SLC5A2: variants seen among roughly 807,000 people sequenced by gnomAD.
SLC5A2 encodes the protein solute carrier family 5 member 2.
A neutral mutation model predicts 69.0 loss-of-function variants in SLC5A2; 67 were observed. The observed-to-expected ratio is 0.97, with a 90% confidence interval of 0.80 to 1.19. The LOEUF is 1.19. Among genes scored for constraint, SLC5A2 ranks in the 50% most tolerant of loss-of-function variants. The probability of loss-of-function intolerance (pLI) is 0.00; values close to 1 mark genes in which losing one functional copy is unlikely to be tolerated. For synonymous variants in SLC5A2, 455 were observed against 395.8 expected (o/e 1.15, Z -1.78); for missense variants, 1,001 against 921.5 (o/e 1.09, Z -1.12).
rs747772485 is a variant in SLC5A2 at position 31,484,750 on chromosome 16, A to G, written c.198+6A>G. ...GCAGCATGGTGTGGTGGCCGGTGAG[A>G]CGGGCTGGGCCGGGAACGGGAGGGG... On this transcript the variant is annotated splice_donor_region_variant and intron_variant, in intron 2 of 13. Transcript: ENST00000330498. 86 of 1,610,628 alleles carry G rather than the reference A, an allele frequency of 5.3e-5. No homozygotes were observed. In the South Asian group the frequency reaches 8.3e-4, roughly 16 times the overall value.
intron 3 of SLC5A2, 133 bp from the exon 4 acceptor site, chr16:31,485,596 C>T (rs1490127010): frequency 9.1e-7 from 1 of 1,094,634 alleles, no homozygotes; most frequent in Non-Finnish European, 1.3e-6. Context: ...GGGGCCATCA[C>T]CTGCAGTTGT....
At chr16:31,483,957 G>A (rs1256214819) in intron 1 of SLC5A2, among the ~76,000 whole-genome samples, 5 of 152,080 alleles carry the variant, frequency 3.3e-5, no homozygotes, top group African/African-American at 1.2e-4. Flanking sequence ...GCATGGTGGT[G>A]TGTGTGCCTG....
chr16:31,490,051 C>A (rs2082548129), intron 12 of SLC5A2, 53 bp from the exon 13 acceptor site: 1 of 1,610,286 alleles, frequency 6.2e-7, no homozygotes, highest in Admixed American at 1.7e-5. Flanking sequence ...GACTTTAGGG[C>A]CAGGCATGGG....
Position 31,489,291 on chromosome 16 carries a change from C to T in SLC5A2, c.1618C>T (p.Leu540Phe). ...AIVLFFCSGL[L>F]TLTVSLCTAP... is the part of the protein sequence containing the mutation. ...TGTGCTGTTCTTCTGCTCTGGCCTC[C>T]TCACCCTCACGGTCTCCCTGTGCAC... Residue 540 changes from leucine (L) to phenylalanine (F), a missense_variant, in exon 12 of 14, where the codon CTC (leucine) becomes TTC (phenylalanine). Coordinates refer to ENST00000330498, the MANE Select transcript of SLC5A2 (RefSeq NM_003041.4). 6.2e-7 allele frequency: 1 copy of T among 1,610,722 alleles called. No individual in the cohort carries two copies. The highest frequency in any genetic ancestry group is 8.5e-7 in the Non-Finnish European group (1 of 1,180,028).
Position 31,488,369 on chromosome 16 carries a change from C to T in SLC5A2, c.1022-14C>T, listed in dbSNP as rs759154877. ...AGGCCCCGTCCTAACGGCGCGGTGG[C>T]CTCTCTCTGGCAGACGAGGTGGCGT... On this transcript the variant is annotated splice_polypyrimidine_tract_variant and intron_variant, in intron 8 of 13. Transcript: ENST00000330498. 6.2e-7 allele frequency: 1 copy of T among 1,610,416 alleles called. No homozygotes were observed. Among genetic ancestry groups the T allele is most frequent in the Admixed American group, 1.7e-5 (1 of 59,874 alleles).
intron 4 of SLC5A2, 88 bp downstream of exon 4, chr16:31,485,981 G>C: frequency 6.8e-7 from 1 of 1,464,714 alleles, no homozygotes; most frequent in South Asian, 1.1e-5. Context: ...GTGAGACCTA[G>C]GAGAAACCAC....
Position 31,489,173 on chromosome 16 carries a change from G to C in SLC5A2, c.1500G>C (p.Leu500=). Residue 500 remains leucine (L), a synonymous_variant, in exon 12 of 14, where the codon CTG becomes CTC. Coordinates refer to ENST00000330498, the MANE Select transcript of SLC5A2 (RefSeq NM_003041.4). ...GCCTGCTGATGGGCCTGGCACGCCT[G>C]ATTCCCGAGTTCTCCTTCGGCTCGG... The part of the protein sequence containing the change: ...IGGLLMGLAR[L]IPEFSFGSGS... 1 of 1,610,318 alleles carries C rather than the reference G, an allele frequency of 6.2e-7. No individual in the cohort carries two copies. Among genetic ancestry groups the C allele is most frequent in the Non-Finnish European group, 8.5e-7 (1 of 1,180,004 alleles).
At chr16:31,488,287 G>A (rs1487833723) in intron 8 of SLC5A2, 96 bp from the exon 9 acceptor site, 4 of 1,597,622 alleles carry the variant, frequency 2.5e-6, no homozygotes, top group Non-Finnish European at 3.4e-6. Context: ...TCCCTCCGGG[G>A]GTCGCACGCC....
At position 31,489,045 on chromosome 16, in the gene SLC5A2, G is replaced by C. The variant is rs1261691352; in HGVS notation, c.1446G>C (p.Glu482Asp). 4 of 1,601,166 alleles carry C rather than the reference G, an allele frequency of 2.5e-6. No individual in the cohort carries two copies. The highest frequency in any genetic ancestry group is 3.3e-5 in the Admixed American group (2 of 59,994). ...CGCTCTTCGTGCCGCGCGTTAATGA[G>C]CAGGTGAGCGGCACGCGCGTGGTGA... ...VLALFVPRVN[E>D]QGAFWGLIGG... Residue 482 changes from glutamate to aspartate, a missense_variant, in exon 11 of 14, where the codon GAG becomes GAC. Coordinates refer to ENST00000330498, the MANE Select transcript of SLC5A2 (RefSeq NM_003041.4).
Position 31,490,702 on chromosome 16 carries a change from T to G in SLC5A2, c.*167T>G. 1 of 1,170,326 alleles carries G rather than the reference T, an allele frequency of 8.5e-7. No homozygotes were observed. Among genetic ancestry groups the G allele is most frequent in the Non-Finnish European group, 1.3e-6 (1 of 795,806 alleles). The allele number at this position is 1,170,326 out of a possible 1,614,324, so 72.5% of individuals were successfully genotyped here. ...CCCACTGCATCTGATTGGCAGTCACTTCCCATGAGGGCCTGGCCCACCCGC... is the reference window on the plus strand; with the variant it reads ...CCCACTGCATCTGATTGGCAGTCACGTCCCATGAGGGCCTGGCCCACCCGC... On this transcript the variant is annotated 3_prime_UTR_variant, in exon 14 of 14. Coordinates refer to ENST00000330498, the MANE Select transcript of SLC5A2 (RefSeq NM_003041.4).
chr16:31,487,242 C>A (rs1241815912), intron 5 of SLC5A2, 78 bp from the exon 6 acceptor site: 9 of 1,359,208 alleles, frequency 6.6e-6, no homozygotes, highest in Admixed American at 1.7e-5. Flanking sequence ...CTTTCAAATT[C>A]CCACAAAGAC....
At chr16:31,485,429 G>C (rs2082487445) in intron 3 of SLC5A2, 1 of 514,148 alleles carries the variant, frequency 1.9e-6, no homozygotes, top group Non-Finnish European at 3.5e-6. Context: ...CTTTGGCTCA[G>C]GTCAGTCTGA....
Position 31,490,077 on chromosome 16 carries a change from C to G in SLC5A2, c.1666-27C>G, listed in dbSNP as rs758817910. 4.3e-5 allele frequency: 69 copies of G among 1,612,590 alleles called. 1 individual carries two copies. In the South Asian group the frequency reaches 7.0e-4, roughly 16 times the overall value. ...CAGGCATGGGGGGACAGAACTCCCACCTCGTTCGTGCTCCCACCCTCCCCA... is the reference window on the plus strand; with the variant it reads ...CAGGCATGGGGGGACAGAACTCCCAGCTCGTTCGTGCTCCCACCCTCCCCA... On this transcript the variant is annotated intron_variant, in intron 12 of 13. Transcript: ENST00000330498.
Position 31,487,373 on chromosome 16 carries a change from G to C in SLC5A2, c.628G>C (p.Gly210Arg). 6.2e-7 allele frequency: 1 copy of C among 1,613,902 alleles called. No individual in the cohort carries two copies. The highest frequency in any genetic ancestry group is 8.5e-7 in the Non-Finnish European group (1 of 1,180,010). ...CACGGTACAGACCTTCGTCATTCTG[G>C]GGGGCGCCTGCATCCTCATGGGTTA... ...TDTVQTFVIL[G>R]GACILMGYAF... The change falls in exon 6 of 14, where the codon GGG (glycine) becomes CGG (arginine). Residue 210 changes from glycine (G) to arginine (R), a missense_variant. Gly to Arg is a moderately radical substitution (Grantham distance 125). Transcript: ENST00000330498.
Position 31,490,673 on chromosome 16 carries a change from G to T in SLC5A2, c.*138G>T. The T allele has an allele frequency of 1.9e-6, 2 of 1,073,604 alleles. No homozygotes were observed. Among genetic ancestry groups the T allele is most frequent in the East Asian group, 5.0e-5 (2 of 39,860 alleles). The allele number at this position is 1,073,604 out of a possible 1,614,324, so 66.5% of individuals were successfully genotyped here. ...CCCTTCTCCCGGCCTTCCTCTGCCTGGGGCCCACTGCATCTGATTGGCAGT... is the reference window on the plus strand; with the variant it reads ...CCCTTCTCCCGGCCTTCCTCTGCCTTGGGCCCACTGCATCTGATTGGCAGT... On this transcript the variant is annotated 3_prime_UTR_variant, in exon 14 of 14. Transcript: ENST00000330498.
At position 31,488,783 on chromosome 16, in the gene SLC5A2, G is replaced by T. The variant is rs2082525820; in HGVS notation, c.1280+11G>T. ...GCTGCTGGTGGGACGGTGCGGCCTG[G>T]GCTCCCCTCCTCCCCAACGGATCAG... On this transcript the variant is annotated intron_variant, in intron 10 of 13. Transcript: ENST00000330498. 1.2e-6 allele frequency: 2 copies of T among 1,600,440 alleles called. No individual in the cohort carries two copies. Among genetic ancestry groups the T allele is most frequent in the Admixed American group, 3.4e-5 (2 of 59,484 alleles).
At chr16:31,486,329 T>TG in intron 5 of SLC5A2, 54 bp downstream of exon 5, 1 of 1,402,968 alleles carries the variant, frequency 7.1e-7, no homozygotes, top group Admixed American at 1.7e-5. Flanking sequence ...CTGCCAGCTG[T>TG]GGCCAGGGTT....
rs200228142 is a variant in SLC5A2 at position 31,487,764 on chromosome 16, G to A, written c.885+5G>A. On this transcript the variant is annotated splice_donor_5th_base_variant and intron_variant, in intron 7 of 13. Coordinates refer to ENST00000330498, the MANE Select transcript of SLC5A2 (RefSeq NM_003041.4). Reference sequence around the variant, plus strand: ...TGGTACTGGTGCAGCGACCAGGTGCGGGTATAGGGCTGCGCCTGCAGTGAG... The same window carrying A: ...TGGTACTGGTGCAGCGACCAGGTGCAGGTATAGGGCTGCGCCTGCAGTGAG... 2.6e-4 allele frequency: 414 copies of A among 1,605,770 alleles called. 1 individual carries two copies. The highest frequency in any genetic ancestry group is 7.2e-4 in the South Asian group (65 of 90,728).
chr16:31,484,738 G>T lies in SLC5A2; in HGVS notation c.192G>T (p.Trp64Cys). 6.2e-7 allele frequency: 1 copy of T among 1,610,574 alleles called. No individual in the cohort carries two copies. Among genetic ancestry groups the T allele is most frequent in the Non-Finnish European group, 8.5e-7 (1 of 1,180,032 alleles). ...TCCTGGCAGGACGCAGCATGGTGTG[G>T]TGGCCGGTGAGACGGGCTGGGCCGG... is the stretch of plus-strand genomic sequence containing the variant. Reference protein sequence around the residue: ...GYFLAGRSMVWWPVGASLFAS... With the variant: ...GYFLAGRSMVCWPVGASLFAS... Residue 64 changes from tryptophan (W) to cysteine (C), a missense_variant, in exon 2 of 14, where the codon TGG (tryptophan) becomes TGT (cysteine). Trp to Cys is a radical substitution (Grantham distance 215, BLOSUM62 -2). Coordinates refer to ENST00000330498, the MANE Select transcript of SLC5A2 (RefSeq NM_003041.4).
Sources: gnomAD v4.1 joint callset for allele counts (sites outside exome capture counted in the v4.1 genomes callset) on GRCh38, gnomAD v4.1.1 for gene constraint, MANE v1.5 for transcripts, NCBI Gene and HGNC (gene_info 2026-07-23, HGNC 2026-07-21) for gene names.